Variants in CSMD1 observed in about 807,000 individuals in gnomAD.
CSMD1 encodes the protein CUB and sushi domain-containing protein 1.
A neutral mutation model predicts 417.5 loss-of-function variants in CSMD1; 213 were observed. The observed-to-expected ratio is 0.51, with a 90% CI of 0.46 to 0.57. The LOEUF is 0.57. Ranked by LOEUF, CSMD1 falls within the 20% of genes least tolerant of loss-of-function variation. CSMD1 has a pLI of 0.00. For synonymous variants in CSMD1, 2,862 were observed against 1,736.8 expected (o/e 1.65, Z -16.11); for missense variants, 6,923 against 4,529.7 (o/e 1.53, Z -15.17).
intron 2 of CSMD1, among the ~76,000 whole-genome samples, chr8:4,426,749 AAT>A (rs1797583231): frequency 6.8e-6 from 1 of 147,920 alleles, no homozygotes; most frequent in Non-Finnish European, 1.5e-5. Flanking sequence ...ACAATATAGT[AAT>A]ATAGTAATAT....
At chr8:3,959,450 G>T (rs1812176370) in intron 5 of CSMD1, among the ~76,000 whole-genome samples, 1 of 152,302 alleles carries the variant, frequency 6.6e-6, no homozygotes, top group African/African-American at 2.4e-5. Flanking sequence ...AGTGAGCCAA[G>T]ATCACGCCAT....
chr8:2,994,475 C>T (rs1806698845), intron 54 of CSMD1, among the ~76,000 whole-genome samples: 1 of 152,136 alleles, frequency 6.6e-6, no homozygotes, highest in Non-Finnish European at 1.5e-5. Flanking sequence ...GGAAAGTTCC[C>T]AAAATGAGCA....
intron 26 of CSMD1, among the ~76,000 whole-genome samples, chr8:3,240,082 G>C (rs7837842): frequency 0.72 from 110,131 of 152,056 alleles, 41,691 homozygotes; most frequent in Non-Finnish European, 0.83. Context: ...GATTAGGGTG[G>C]TGGCGGCTGC....
intron 3 of CSMD1, among the ~76,000 whole-genome samples, chr8:4,053,894 T>G (rs1169475764): frequency 2.0e-5 from 3 of 152,226 alleles, no homozygotes; most frequent in Non-Finnish European, 4.4e-5. Context: ...ATAATTATCA[T>G]AAATAATAAT....
chr8:3,908,185 G>A (rs1344362706), intron 5 of CSMD1, among the ~76,000 whole-genome samples: 1 of 152,070 alleles, frequency 6.6e-6, no homozygotes, highest in Non-Finnish European at 1.5e-5. Context: ...CCATGGGCCA[G>A]GCTAGATACT....
chr8:3,759,426 C>G (rs1019833124), intron 5 of CSMD1, among the ~76,000 whole-genome samples: 2 of 152,198 alleles, frequency 1.3e-5, no homozygotes, highest in Non-Finnish European at 2.9e-5. Flanking sequence ...GAAGATCTAC[C>G]GCTGTTGGAG....
At chr8:3,798,892 A>G (rs746558943) in intron 5 of CSMD1, among the ~76,000 whole-genome samples, 1 of 152,086 alleles carries the variant, frequency 6.6e-6, no homozygotes, top group Non-Finnish European at 1.5e-5. Flanking sequence ...AGTCAAGTTT[A>G]TAGGTGCAAA....
intron 5 of CSMD1, among the ~76,000 whole-genome samples, chr8:3,843,599 T>C (rs1368514100): frequency 6.6e-6 from 1 of 152,118 alleles, no homozygotes; most frequent in East Asian, 1.9e-4. Context: ...AAGTTTAATA[T>C]TTGAATATTT....
At chr8:4,083,876 A>G (rs1246795674) in intron 3 of CSMD1, among the ~76,000 whole-genome samples, 5 of 152,204 alleles carry the variant, frequency 3.3e-5, no homozygotes, top group Admixed American at 6.5e-5. Flanking sequence ...CTGCACAGCA[A>G]AAGAAACTAC....
At chr8:4,491,769 G>C (rs191960314) in intron 2 of CSMD1, among the ~76,000 whole-genome samples, 1 of 152,264 alleles carries the variant, frequency 6.6e-6, no homozygotes, top group African/African-American at 2.4e-5. Flanking sequence ...CTCACTGCTG[G>C]TGGGAACGCA....
chr8:3,473,909 G>A (rs1186888545), intron 11 of CSMD1, among the ~76,000 whole-genome samples: 2 of 152,078 alleles, frequency 1.3e-5, no homozygotes, highest in African/African-American at 4.8e-5. Context: ...AGGGAAGCAA[G>A]GCACGTCTTA....
chr8:3,924,224 G>A (rs1166562234), intron 5 of CSMD1, among the ~76,000 whole-genome samples: 3 of 152,018 alleles, frequency 2.0e-5, no homozygotes, highest in African/African-American at 4.8e-5. Flanking sequence ...ATTTTTTCCT[G>A]GTCTTCAGAA....
intron 49 of CSMD1, among the ~76,000 whole-genome samples, chr8:3,055,443 G>T (rs1812151139): frequency 1.3e-5 from 2 of 152,168 alleles, no homozygotes; most frequent in Non-Finnish European, 2.9e-5. Flanking sequence ...TAACACTTCT[G>T]ATTTAATGGA....
At chr8:3,790,365 G>A (rs1278836246) in intron 5 of CSMD1, among the ~76,000 whole-genome samples, 1 of 152,046 alleles carries the variant, frequency 6.6e-6, no homozygotes, top group Non-Finnish European at 1.5e-5. Context: ...TGGTGATAGT[G>A]ACGGTGATGG....
chr8:3,598,468 AC>A (rs1801199415), intron 8 of CSMD1, among the ~76,000 whole-genome samples: 1 of 152,066 alleles, frequency 6.6e-6, no homozygotes, highest in Admixed American at 6.6e-5. Flanking sequence ...TCTGGGACCG[AC>A]CGCCCCATAG....
intron 4 of CSMD1, among the ~76,000 whole-genome samples, chr8:4,018,021 G>C (rs60003008): frequency 0.11 from 16,420 of 152,134 alleles, 1,057 homozygotes; most frequent in South Asian, 0.22. Context: ...TTGTCCACTC[G>C]TAACTGTCAT....
chr8:4,024,496 C>G (rs1398545597), intron 4 of CSMD1, among the ~76,000 whole-genome samples: 3 of 152,164 alleles, frequency 2.0e-5, no homozygotes, highest in Admixed American at 6.5e-5. Context: ...CAAACTATAG[C>G]TGACTTGTTA....
chr8:4,127,112 C>G (rs1033148192), intron 3 of CSMD1, among the ~76,000 whole-genome samples: 7 of 152,098 alleles, frequency 4.6e-5, no homozygotes, highest in Admixed American at 3.3e-4. Flanking sequence ...TTATCTGATT[C>G]ACCCAGAGAA....
At chr8:4,087,609 C>T (rs888207592) in intron 3 of CSMD1, among the ~76,000 whole-genome samples, 2 of 152,134 alleles carry the variant, frequency 1.3e-5, no homozygotes, top group Non-Finnish European at 2.9e-5. Flanking sequence ...GTCTCTCTCT[C>T]ATTCCCAAAT....
Sources: allele counts gnomAD v4.1 joint callset (sites outside exome capture counted in the v4.1 genomes callset), GRCh38; gene constraint gnomAD v4.1.1; transcripts MANE v1.5; gene names NCBI Gene and HGNC (gene_info 2026-07-23, HGNC 2026-07-21).